EPHA3: variants seen among roughly 807,000 people sequenced by gnomAD.
EPHA3 encodes ephrin type-A receptor 3.
In EPHA3, 42 loss-of-function variants were observed where a neutral mutation model predicts 107.1. That is an observed-to-expected ratio of 0.39 (90% CI 0.31 to 0.51). EPHA3 has a LOEUF of 0.51. EPHA3 is among the 20% of genes least tolerant of loss of function. The pLI, the probability that EPHA3 is intolerant of heterozygous loss-of-function variation, is 0.78. For synonymous variants in EPHA3, 461 were observed against 424.8 expected (o/e 1.09, Z -1.05); for missense variants, 1,183 against 1,211.2 (o/e 0.98, Z 0.35).
At chr3:89,395,774 G>T (rs149926377) in intron 5 of EPHA3, 63 bp from the exon 6 acceptor site, 2 of 1,583,342 alleles carry the variant, frequency 1.3e-6, no homozygotes, top group Non-Finnish European at 1.7e-6. Context: ...GTTCTTATTC[G>T]CCACCCTTTC....
intron 5 of EPHA3, among the ~76,000 whole-genome samples, chr3:89,393,782 T>A (rs986198635): frequency 1.4e-5 from 1 of 70,814 alleles, no homozygotes; most frequent in Non-Finnish European, 3.9e-5. Context: ...CAAAAATAAA[T>A]TTTTTTTTAA....
intron 13 of EPHA3, among the ~76,000 whole-genome samples, chr3:89,432,081 AATT>A (rs1242638728): frequency 5.3e-5 from 8 of 152,034 alleles, no homozygotes; most frequent in African/African-American, 7.2e-5. Context: ...TTAGTGAGCA[AATT>A]ATTATTATAT....
intron 10 of EPHA3, among the ~76,000 whole-genome samples, chr3:89,415,492 A>ATATATATATATATATATATAT (rs35710348): frequency 1.4e-4 from 20 of 146,254 alleles, no homozygotes; most frequent in Non-Finnish European, 2.3e-4. Flanking sequence ...ATATATATAT[A>ATATATATATATATATATATAT]AGCTAATTCT....
At chr3:89,407,557 T>G (rs1709079376) in intron 8 of EPHA3, among the ~76,000 whole-genome samples, 186 bp downstream of exon 8, 1 of 152,176 alleles carries the variant, frequency 6.6e-6, no homozygotes, top group Non-Finnish European at 1.5e-5. Flanking sequence ...TTTGATTTTC[T>G]GCTCTACATT....
In EPHA3 at chr3:89,436,326, G is replaced by A. The variant is rs201053289; in HGVS notation, c.2346+4967G>A. ...TCATCATTCAAAACAATTTGCTGAG[G>A]CATTCCTTTTGGATAAGAGATCCTG... is the stretch of plus-strand genomic sequence containing the variant. On this transcript the variant is annotated intron_variant, in intron 13 of 16. Transcript: ENST00000336596. Among the ~76,000 whole-genome samples the A allele has an allele frequency of 3.2e-4, 48 of 152,238 alleles. No homozygotes were observed. The East Asian group carries it at 4.8e-3, about 15-fold the overall frequency.
At chr3:89,139,319 A>C (rs1704378091) in intron 2 of EPHA3, among the ~76,000 whole-genome samples, 1 of 151,872 alleles carries the variant, frequency 6.6e-6, no homozygotes, top group African/African-American at 2.4e-5. Context: ...AAAAGTCTTC[A>C]ATAGGATTTA....
chr3:89,118,554 G>C (rs573898937), intron 1 of EPHA3, among the ~76,000 whole-genome samples: 10 of 151,850 alleles, frequency 6.6e-5, no homozygotes, highest in African/African-American at 2.2e-4. Context: ...TGTGTAGTAG[G>C]TTTACTACCC....
At chr3:89,383,560 T>C (rs1390965024) in intron 5 of EPHA3, among the ~76,000 whole-genome samples, 1 of 151,840 alleles carries the variant, frequency 6.6e-6, no homozygotes, top group Non-Finnish European at 1.5e-5. Flanking sequence ...CAGAACAGAT[T>C]TATGACCTCA....
At chr3:89,265,577 A>G (rs886380126) in intron 3 of EPHA3, among the ~76,000 whole-genome samples, 1 of 152,170 alleles carries the variant, frequency 6.6e-6, no homozygotes, top group Admixed American at 6.6e-5. Context: ...CATTTAGGAT[A>G]AAGCAGTTTA....
intron 15 of EPHA3, among the ~76,000 whole-genome samples, chr3:89,468,546 A>G (rs1215220725): frequency 6.6e-6 from 1 of 152,224 alleles, no homozygotes; most frequent in Non-Finnish European, 1.5e-5. Context: ...AAGTATTACT[A>G]TTCATGGGAC....
intron 5 of EPHA3, among the ~76,000 whole-genome samples, chr3:89,395,395 A>T (rs1179770166): frequency 6.6e-6 from 1 of 152,220 alleles, no homozygotes; most frequent in African/African-American, 2.4e-5. Flanking sequence ...AATGGATTCC[A>T]GTCCTCTTGC....
intron 3 of EPHA3, among the ~76,000 whole-genome samples, chr3:89,326,728 G>A (rs1172657239): frequency 1.3e-5 from 2 of 151,850 alleles, no homozygotes; most frequent in Non-Finnish European, 2.9e-5. Context: ...TTGATCTGTG[G>A]TTGATTGAAT....
At chr3:89,422,981 C>T (rs1362179326) in intron 11 of EPHA3, among the ~76,000 whole-genome samples, 2 of 151,314 alleles carry the variant, frequency 1.3e-5, no homozygotes, top group Non-Finnish European at 3.0e-5. Flanking sequence ...AAGGTACTAA[C>T]ATGTGTTATC....
At chr3:89,179,373 A>T (rs1279724456) in intron 2 of EPHA3, among the ~76,000 whole-genome samples, 1 of 152,040 alleles carries the variant, frequency 6.6e-6, no homozygotes, top group Non-Finnish European at 1.5e-5. Context: ...AAGGAGGGGA[A>T]CTTTTATAAT....
intron 15 of EPHA3, among the ~76,000 whole-genome samples, chr3:89,452,779 T>C (rs1181878178): frequency 6.6e-6 from 1 of 152,176 alleles, no homozygotes; most frequent in East Asian, 1.9e-4. Context: ...ACCAGTGTCA[T>C]AGAGCTTTCT....
intron 3 of EPHA3, among the ~76,000 whole-genome samples, chr3:89,226,502 A>AAAT (rs1490522958): frequency 6.6e-6 from 1 of 152,166 alleles, no homozygotes. Flanking sequence ...AAAATAAACA[A>AAAT]AATAAAATTT....
intron 3 of EPHA3, among the ~76,000 whole-genome samples, chr3:89,306,354 A>G (rs943594353): frequency 2.0e-5 from 3 of 152,180 alleles, no homozygotes; most frequent in Non-Finnish European, 4.4e-5. Context: ...AATTTAAGTC[A>G]CCTCAAGACA....
chr3:89,338,995 C>T (rs968561464), intron 3 of EPHA3, among the ~76,000 whole-genome samples: 3 of 152,154 alleles, frequency 2.0e-5, no homozygotes, highest in Non-Finnish European at 4.4e-5. Flanking sequence ...AAACTAGTCA[C>T]TAGACTTTAT....
intron 3 of EPHA3, among the ~76,000 whole-genome samples, chr3:89,251,247 A>G (rs555797815): frequency 6.6e-6 from 1 of 152,238 alleles, no homozygotes; most frequent in Admixed American, 6.5e-5. Context: ...AAAACAAGAT[A>G]AGAGAAAAAC....
Sources: gnomAD v4.1 joint callset for allele counts (sites outside exome capture counted in the v4.1 genomes callset) on GRCh38, gnomAD v4.1.1 for gene constraint, MANE v1.5 for transcripts, NCBI Gene and HGNC (gene_info 2026-07-23, HGNC 2026-07-21) for gene names.